Variants in FAM153A observed in about 807,000 individuals in gnomAD.
FAM153A encodes protein FAM153A.
In FAM153A, 12 loss-of-function variants were observed where a neutral mutation model predicts 48.1. The ratio of observed to expected loss-of-function variants is 0.25; its 90% CI spans 0.16 to 0.40. The LOEUF (loss-of-function observed/expected upper bound fraction) is 0.40, where lower values mean the gene tolerates loss of function less well. Among genes scored for constraint, FAM153A ranks in the 10% least tolerant of loss-of-function variants. The pLI is 1.00. For synonymous variants in FAM153A, 36 were observed against 118.2 expected (o/e 0.30, Z 4.51); for missense variants, 111 against 345.8 (o/e 0.32, Z 5.38).
upstream of FAM153A, among the ~76,000 whole-genome samples, chr5:177,753,953 C>T (rs907424981): frequency 2.0e-5 from 3 of 151,904 alleles, no homozygotes; most frequent in African/African-American, 7.3e-5. Context: ...ACTGAGGTAT[C>T]AGGCTCACCT....
chr5:177,755,125 C>G (rs1169151511), upstream of FAM153A, among the ~76,000 whole-genome samples: 1 of 151,826 alleles, frequency 6.6e-6, no homozygotes, highest in Non-Finnish European at 1.5e-5. Context: ...ATAACCAATG[C>G]AGAGAAGTCC....
At chr5:177,697,220 G>C in the FAM153A span, among the ~76,000 whole-genome samples, 2 of 150,914 alleles carry the variant, frequency 1.3e-5, no homozygotes, top group Non-Finnish European at 2.9e-5. Flanking sequence ...ATTATGAATG[G>C]AATTATTTTT....
At chr5:177,768,781 T>G (rs1768915222) in intron 1 of FAM153A, among the ~76,000 whole-genome samples, 1 of 108,586 alleles carries the variant, frequency 9.2e-6, no homozygotes, top group Non-Finnish European at 1.9e-5. Flanking sequence ...GCACCCACAC[T>G]GCACATGCTG....
At chr5:177,764,627 C>A (rs1768581502) in intron 1 of FAM153A, among the ~76,000 whole-genome samples, 1 of 149,682 alleles carries the variant, frequency 6.7e-6, no homozygotes, top group Admixed American at 6.7e-5. Flanking sequence ...GCTGTGAATA[C>A]CTGGGCTGGC....
At chr5:177,725,617 AC>A (rs1762263166) in intron 18 of FAM153A, among the ~76,000 whole-genome samples, 1 of 151,480 alleles carries the variant, frequency 6.6e-6, no homozygotes, top group South Asian at 2.1e-4. Flanking sequence ...GAGGGAAGGT[AC>A]CTGGAAGACC....
At chr5:177,701,787 G>A in the FAM153A span, among the ~76,000 whole-genome samples, 3 of 151,820 alleles carry the variant, frequency 2.0e-5, no homozygotes, top group Non-Finnish European at 4.4e-5. Flanking sequence ...GGAAAGCTTG[G>A]AACTTCTTAG....
At chr5:177,708,410 T>C (rs1029004227), downstream of FAM153A, among the ~76,000 whole-genome samples, 1 of 151,866 alleles carries the variant, frequency 6.6e-6, no homozygotes, top group African/African-American at 2.4e-5. Context: ...ACTCTGTCTC[T>C]ACTAAAAATA....
chr5:177,769,740 C>G lies in FAM153A; in HGVS notation c.-57+10709G>C, dbSNP rs373710984. On this transcript the variant is annotated intron_variant, in intron 1 of 8. Coordinates refer to the FAM153A transcript ENST00000393518. ...GCTATATACTCTGCCCTACGTATAA[C>G]AAGGCCCAAATTCACCTGCCATTTT... Among the ~76,000 whole-genome samples the G allele has an allele frequency of 1.6e-4, 15 of 94,552 alleles. 5 individuals are homozygous for G. The highest frequency in any genetic ancestry group is 7.7e-4 in the South Asian group (2 of 2,592). 62.0% of individuals were successfully genotyped at this position (94,552 alleles called of 152,430 possible).
At chr5:177,752,618 C>CAAA (rs71274705) in intron 1 of FAM153A, among the ~76,000 whole-genome samples, 13 of 31,012 alleles carry the variant, frequency 4.2e-4, no homozygotes, top group South Asian at 1.6e-3. Flanking sequence ...GAGACTCTGC[C>CAAA]AAAAAAAAAA....
chr5:177,700,556 A>C, the FAM153A span, among the ~76,000 whole-genome samples: 2 of 151,896 alleles, frequency 1.3e-5, no homozygotes, highest in African/African-American at 4.9e-5. Context: ...TAATCCCAGC[A>C]CTTTGGGATG....
chr5:177,766,173 AAAAG>A lies in FAM153A; in HGVS notation c.-57+14272_-57+14275del, dbSNP rs1212675806. On this transcript the variant is annotated intron_variant, in intron 1 of 8. Coordinates refer to the FAM153A transcript ENST00000393518. ...AAACATGCCAATAGGATAAAAAAAA[AAAAG>A]AAAGACAAGTACTGAGCTTCAAAAT... Among the ~76,000 whole-genome samples the A allele has an allele frequency of 9.3e-5, 10 of 108,004 alleles. 3 individuals are homozygous for A. Among genetic ancestry groups the A allele is most frequent in the East Asian group, 6.3e-4 (2 of 3,170 alleles). 70.9% of individuals were successfully genotyped at this position (108,004 alleles called of 152,430 possible).
rs200505586 is a variant in FAM153A at position 177,728,553 on chromosome 5, G to GTTT, written c.964+467_964+469dup. Among the ~76,000 whole-genome samples, 155 of 135,486 alleles carry GTTT rather than the reference G, an allele frequency of 1.1e-3. 3 individuals are homozygous for GTTT. The highest frequency in any genetic ancestry group is 8.9e-3 in the South Asian group (39 of 4,380). 88.9% of individuals were successfully genotyped at this position (135,486 alleles called of 152,430 possible). The stretch of plus-strand genomic sequence containing the variant: ...TACTGGACTCTTAGTTTGTTGGGGT[G>GTTT]TTTTTTTTTTTGTTTGTTTTTGTTT... On this transcript the variant is annotated intron_variant, in intron 18 of 20. Coordinates refer to ENST00000614127, the Ensembl canonical transcript of FAM153A.
downstream of FAM153A, chr5:177,706,602 C>A: frequency 1.3e-5 from 2 of 151,958 alleles, no homozygotes; most frequent in Non-Finnish European, 2.9e-5. Flanking sequence ...CATGAAATTT[C>A]ATAGTCTTGT....
At chr5:177,747,251 C>T (rs1326179436) in intron 4 of FAM153A, among the ~76,000 whole-genome samples, 1 of 144,034 alleles carries the variant, frequency 6.9e-6, no homozygotes, top group Non-Finnish European at 1.5e-5. Context: ...CTGAGTTCAT[C>T]TATGCCATTT....
chr5:177,734,783 T>A, intron 13 of FAM153A, 80 bp downstream of exon 15: 1 of 1,610,622 alleles, frequency 6.2e-7, no homozygotes, highest in Non-Finnish European at 8.5e-7. Flanking sequence ...ATCTTCAGAT[T>A]CTCATATCTT....
the FAM153A span, among the ~76,000 whole-genome samples, chr5:177,700,675 G>T: frequency 1.3e-5 from 2 of 151,736 alleles, no homozygotes; most frequent in Non-Finnish European, 2.9e-5. Flanking sequence ...GGTGGCAGGC[G>T]CCTGTAATCC....
At position 177,713,995 on chromosome 5, in the gene FAM153A, ACATTT is replaced by A. The variant is rs536269398; in HGVS notation, c.*1223-84_*1223-80del. ...TTCGTTTAAAAAATCCTTAACCAAA[ACATTT>A]CATAAGACCGATGTATTCTATCAAC... On this transcript the variant is annotated intron_variant and NMD_transcript_variant, in intron 25 of 26. Transcript: ENST00000360669. The A allele has an allele frequency of 8.4e-4, 127 of 151,964 alleles. 3 individuals carry two copies. Among genetic ancestry groups the A allele is most frequent in the African/African-American group, 3.0e-3 (125 of 41,290 alleles). The allele number at this position is 151,964 out of a possible 1,614,324, so 9.4% of individuals were successfully genotyped here.
At chr5:177,704,790 C>A (rs927639820), downstream of FAM153A, among the ~76,000 whole-genome samples, 5 of 151,580 alleles carry the variant, frequency 3.3e-5, no homozygotes, top group Admixed American at 2.0e-4. Context: ...TTCTGAGCTC[C>A]GGAGTTCGAG....
At chr5:177,722,165 G>C (rs1241427928), downstream of FAM153A, 7 of 126,980 alleles carry the variant, frequency 5.5e-5, no homozygotes, top group Admixed American at 4.8e-4. Flanking sequence ...GTCTCACTCT[G>C]TAGCCAGGTG....
Sources: allele counts gnomAD v4.1 joint callset (sites outside exome capture counted in the v4.1 genomes callset), GRCh38; gene constraint gnomAD v4.1.1; transcripts MANE v1.5; gene names NCBI Gene and HGNC (gene_info 2026-07-23, HGNC 2026-07-21).